TLCD4: variants seen among roughly 807,000 people sequenced by gnomAD.
The protein encoded by TLCD4 is TLC domain containing 4, also known as TLC domain-containing protein 4.
Under a neutral mutation model 24.2 loss-of-function variants are expected in TLCD4, and 7 were observed. That is an observed-to-expected ratio of 0.29 (90% confidence interval 0.16 to 0.54). TLCD4 has a LOEUF of 0.54. Ranked by LOEUF, TLCD4 falls within the 20% of genes least tolerant of loss-of-function variation. The pLI, the probability that TLCD4 is intolerant of heterozygous loss-of-function variation, is 0.95. For synonymous variants in TLCD4, 103 were observed against 106.4 expected, an observed-to-expected ratio of 0.97 and a Z score of 0.20; for missense variants, 259 against 313.9, an observed-to-expected ratio of 0.82 and a Z score of 1.32.
chr1:95,124,797 T>C (rs1330452628), intron 1 of TLCD4, among the ~76,000 whole-genome samples: 1 of 152,130 alleles, frequency 6.6e-6, no homozygotes, highest in Non-Finnish European at 1.5e-5. Flanking sequence ...GAGGAAGTTT[T>C]AGATGGCATT....
chr1:95,156,585 A>G (rs555879497), intron 5 of TLCD4, among the ~76,000 whole-genome samples: 23 of 152,300 alleles, frequency 1.5e-4, no homozygotes, highest in African/African-American at 5.3e-4. Context: ...GGGGAAGAGG[A>G]TATCTTTTAG....
At position 95,131,922 on chromosome 1, in the gene TLCD4, T is replaced by C. The variant is rs376528023; in HGVS notation, c.-11-11969T>C. On this transcript the variant is annotated intron_variant, in intron 1 of 6. Transcript: ENST00000370203. Reference sequence around the variant, plus strand: ...ATCCCTCATGAGTGGCTTGGTGCCATTCTTATAGTAGTGAGTTCTCATTCT... The same window carrying C: ...ATCCCTCATGAGTGGCTTGGTGCCACTCTTATAGTAGTGAGTTCTCATTCT... 6.6e-5 allele frequency among the ~76,000 whole-genome samples: 10 copies of C among 152,308 alleles called. No homozygotes were observed. The South Asian group carries it at 1.9e-3, about 28-fold the overall frequency.
rs1679139268 is a variant in TLCD4 at position 95,194,732 on chromosome 1, C to T, written c.*2864C>T. On this transcript the variant is annotated 3_prime_UTR_variant, in exon 7 of 7. Coordinates refer to ENST00000370203, the MANE Select transcript of TLCD4 (RefSeq NM_152487.3). ...TGAATGAAAACCAACTAATAGCATG[C>T]AAGATCATAGATCCTGCATTAAATT... 6.6e-6 allele frequency: 1 copy of T among 152,018 alleles called. No individual in the cohort carries two copies. The highest frequency in any genetic ancestry group is 2.4e-5 in the African/African-American group (1 of 41,400). 9.4% of individuals were successfully genotyped at this position (152,018 alleles called of 1,614,324 possible). A position where few individuals can be genotyped will look rare whatever the true frequency, so the allele number is the denominator to read the frequency against.
chr1:95,131,795 A>G (rs933233149), intron 1 of TLCD4, among the ~76,000 whole-genome samples: 4 of 152,170 alleles, frequency 2.6e-5, no homozygotes, highest in Non-Finnish European at 5.9e-5. Flanking sequence ...CAATAGGTTG[A>G]CTATGGTTTG....
At chr1:95,136,040 T>G (rs1306190109) in intron 1 of TLCD4, among the ~76,000 whole-genome samples, 1 of 111,900 alleles carries the variant, frequency 8.9e-6, no homozygotes, top group African/African-American at 3.3e-5. Context: ...AGTTTTCAAG[T>G]TTTTTTTTTT....
Position 95,193,649 on chromosome 1 carries a change from A to C in TLCD4, c.*1781A>C, listed in dbSNP as rs1000505522. Reference sequence around the variant, plus strand: ...TGATAAGTTTTAGAACATTTAAAGAAGATTGAAATCTCAGTCAGTAACTAA... The same window carrying C: ...TGATAAGTTTTAGAACATTTAAAGACGATTGAAATCTCAGTCAGTAACTAA... On this transcript the variant is annotated 3_prime_UTR_variant, in exon 7 of 7. Transcript: ENST00000370203. 6.6e-6 allele frequency: 1 copy of C among 152,136 alleles called. No individual in the cohort carries two copies. Among genetic ancestry groups the C allele is most frequent in the Admixed American group, 6.5e-5 (1 of 15,274 alleles). 9.4% of individuals were successfully genotyped at this position (152,136 alleles called of 1,614,324 possible).
At chr1:95,116,783 T>C (rs1676440293), upstream of TLCD4, among the ~76,000 whole-genome samples, 1 of 152,070 alleles carries the variant, frequency 6.6e-6, no homozygotes, top group Non-Finnish European at 1.5e-5. Context: ...CGGGTGTAGG[T>C]GTAGTGCTGG....
chr1:95,104,451 T>C, the TLCD4 span, among the ~76,000 whole-genome samples: 1 of 150,150 alleles, frequency 6.7e-6, no homozygotes, highest in Admixed American at 6.6e-5. Flanking sequence ...GATCAGGAGG[T>C]CAGGAGATCG....
At chr1:95,098,705 C>G in the TLCD4 span, among the ~76,000 whole-genome samples, 97 of 152,258 alleles carry the variant, frequency 6.4e-4, no homozygotes, top group African/African-American at 1.9e-3. Flanking sequence ...GAATTGTGGT[C>G]TTGCGTCTCA....
the TLCD4 span, among the ~76,000 whole-genome samples, chr1:95,111,468 A>G: frequency 1.3e-5 from 2 of 152,372 alleles, no homozygotes; most frequent in East Asian, 3.9e-4. Flanking sequence ...AGAGGTGTTT[A>G]TCATGTATTC....
intron 6 of TLCD4, among the ~76,000 whole-genome samples, chr1:95,179,117 G>A (rs1305580481): frequency 6.6e-6 from 1 of 152,108 alleles, no homozygotes; most frequent in African/African-American, 2.4e-5. Context: ...GTTTGGTAGG[G>A]TAACCACAAG....
the TLCD4 span, among the ~76,000 whole-genome samples, chr1:95,108,410 G>C: frequency 6.6e-6 from 1 of 152,024 alleles, no homozygotes; most frequent in Admixed American, 6.6e-5. Context: ...GTTTTGCTCT[G>C]TCATCCAGGT....
At chr1:95,148,384 C>T (rs1356753719) in intron 2 of TLCD4, among the ~76,000 whole-genome samples, 1 of 152,216 alleles carries the variant, frequency 6.6e-6, no homozygotes, top group Admixed American at 6.5e-5. Context: ...CATCTGGCTG[C>T]ACAAAAGTCT....
intron 5 of TLCD4, among the ~76,000 whole-genome samples, chr1:95,161,481 G>A (rs1385234804): frequency 1.3e-5 from 2 of 151,992 alleles, no homozygotes; most frequent in Non-Finnish European, 2.9e-5. Flanking sequence ...TTTTTTGAAG[G>A]GTTTTTGTGT....
chr1:95,148,833 T>A, intron 3 of TLCD4, 42 bp downstream of exon 3: 1 of 1,600,718 alleles, frequency 6.2e-7, no homozygotes. Context: ...TTCATTTATG[T>A]TTTGATATTA....
In TLCD4 at chr1:95,186,307, AC is replaced by A. The variant is rs749563709; in HGVS notation, c.474-5240del. 7.0e-4 allele frequency among the ~76,000 whole-genome samples: 106 copies of A among 152,294 alleles called. 1 individual carries two copies. The highest frequency in any genetic ancestry group is 6.8e-3 in the Middle Eastern group (2 of 294). ...AACCCAGGCGGCCTGACTGCAGAGC[AC>A]CCTAGCTACTCTTCACGTCATTCTG... On this transcript the variant is annotated intron_variant, in intron 6 of 6. Transcript: ENST00000370203.
chr1:95,143,404 T>G (rs1424067104), intron 1 of TLCD4, among the ~76,000 whole-genome samples: 2 of 152,196 alleles, frequency 1.3e-5, no homozygotes, highest in Non-Finnish European at 2.9e-5. Context: ...AATTAGTTTT[T>G]TAATTATGGA....
rs1677415185 is a variant in TLCD4 at position 95,148,736 on chromosome 1, A to T, written c.190A>T (p.Ile64Phe). The T allele has an allele frequency of 6.2e-7, 1 of 1,613,624 alleles. No homozygotes were observed. ...VSTCHSLVVG[I>F]FGLYIFLFDE... ...CACATGCCATTCTTTGGTGGTTGGT[A>T]TTTTTGGCCTGTACATTTTCTTATT... is the stretch of plus-strand genomic sequence containing the variant. Residue 64 changes from isoleucine (I) to phenylalanine (F), a missense_variant, in exon 3 of 7, where the codon ATT becomes TTT. Ile to Phe is a conservative substitution (Grantham distance 21). Coordinates refer to ENST00000370203, the MANE Select transcript of TLCD4 (RefSeq NM_152487.3).
chr1:95,150,348 G>T, intron 4 of TLCD4, 82 bp downstream of exon 4: 1 of 1,525,644 alleles, frequency 6.6e-7, no homozygotes, highest in Non-Finnish European at 8.8e-7. Flanking sequence ...CTATGCTTTT[G>T]GTTTATTTGA....
Sources: allele counts gnomAD v4.1 joint callset (sites outside exome capture counted in the v4.1 genomes callset), GRCh38; gene constraint gnomAD v4.1.1; transcripts MANE v1.5; gene names NCBI Gene and HGNC (gene_info 2026-07-23, HGNC 2026-07-21).